The following CNTN1 variants were observed in gnomAD, a reference collection of about 807,000 sequenced individuals.
CNTN1 encodes the protein contactin 1.
Under a neutral mutation model 126.4 loss-of-function variants are expected in CNTN1, and 38 were observed. The observed-to-expected ratio is 0.30, with a 90% CI of 0.23 to 0.39. The LOEUF (loss-of-function observed/expected upper bound fraction) is 0.39, where lower values mean the gene tolerates loss of function less well. CNTN1 is among the 10% of genes least tolerant of loss of function. The pLI, the probability that CNTN1 is intolerant of heterozygous loss-of-function variation, is 1.00. For synonymous variants in CNTN1, 413 were observed against 422.6 expected, an observed-to-expected ratio of 0.98 and a Z score of 0.28; for missense variants, 1,009 against 1,248.4, an observed-to-expected ratio of 0.81 and a Z score of 2.89.
At position 40,933,524 on chromosome 12, in the gene CNTN1, G is replaced by A; in HGVS notation, c.767G>A (p.Gly256Asp). Reference sequence around the variant, plus strand: ...TTCAAGGATGTATATGCATTGATGGGCCAAAATGTGACCTTAGAATGTTTT... The same window carrying A: ...TTCAAGGATGTATATGCATTGATGGACCAAAATGTGACCTTAGAATGTTTT... ...VQFKDVYALMGQNVTLECFAL... is the reference protein window; with the variant it reads ...VQFKDVYALMDQNVTLECFAL... The change falls in exon 8 of 24, where the codon GGC (glycine) becomes GAC (aspartate). Residue 256 changes from glycine to aspartate, a missense_variant. Coordinates refer to ENST00000551295, the MANE Select transcript of CNTN1 (RefSeq NM_001843.4). The A allele has an allele frequency of 6.2e-7, 1 of 1,611,638 alleles. No individual in the cohort carries two copies. Among genetic ancestry groups the A allele is most frequent in the South Asian group, 1.1e-5 (1 of 91,030 alleles).
chr12:40,951,296 G>A (rs1219378005), intron 14 of CNTN1, among the ~76,000 whole-genome samples: 4 of 151,946 alleles, frequency 2.6e-5, no homozygotes, highest in Non-Finnish European at 4.4e-5. Context: ...TTTTCAACAC[G>A]TCTACTCTTA....
At position 40,947,782 on chromosome 12, in the gene CNTN1, T is replaced by TATAC. The variant is rs869205213; in HGVS notation, c.1683+3613_1683+3614insTACA. 6.6e-3 allele frequency among the ~76,000 whole-genome samples: 784 copies of TATAC among 118,826 alleles called. 7 individuals carry two copies. The highest frequency in any genetic ancestry group is 0.019 in the East Asian group (83 of 4,304). 78.0% of individuals were successfully genotyped at this position (118,826 alleles called of 152,430 possible). A position where few individuals can be genotyped will look rare whatever the true frequency, so the allele number is the denominator to read the frequency against. ...ACTATTTCATATATATATATATATA[T>TATAC]ACACACACACACACACACACACACA... On this transcript the variant is annotated intron_variant, in intron 14 of 23. Coordinates refer to ENST00000551295, the MANE Select transcript of CNTN1 (RefSeq NM_001843.4).
chr12:40,905,689 T>G (rs1944783353), intron 1 of CNTN1, among the ~76,000 whole-genome samples: 1 of 152,116 alleles, frequency 6.6e-6, no homozygotes, highest in Non-Finnish European at 1.5e-5. Context: ...ATTGCTTGAT[T>G]GGCATTAAAG....
At chr12:41,064,749 A>G (rs1299115199) in intron 23 of CNTN1, among the ~76,000 whole-genome samples, 1 of 147,712 alleles carries the variant, frequency 6.8e-6, no homozygotes, top group Non-Finnish European at 1.5e-5. Flanking sequence ...TTACTTCTGA[A>G]GAAAGGTTAT....
chr12:40,953,521 T>C (rs1946761367), intron 14 of CNTN1, among the ~76,000 whole-genome samples: 1 of 152,170 alleles, frequency 6.6e-6, no homozygotes, highest in African/African-American at 2.4e-5. Context: ...TATTTTTTCT[T>C]CTTTCCTTCT....
chr12:40,829,272 T>C (rs1356747050), intron 1 of CNTN1, among the ~76,000 whole-genome samples: 5 of 152,068 alleles, frequency 3.3e-5, no homozygotes, highest in Non-Finnish European at 5.9e-5. Context: ...CTAGTGAATA[T>C]ATATACTAGT....
At chr12:41,031,517 C>T (rs1949145094) in intron 23 of CNTN1, among the ~76,000 whole-genome samples, 1 of 152,098 alleles carries the variant, frequency 6.6e-6, no homozygotes, top group African/African-American at 2.4e-5. Flanking sequence ...TTAATAATTA[C>T]ATTTTTAACA....
At chr12:40,996,706 A>G (rs1948227099) in intron 17 of CNTN1, among the ~76,000 whole-genome samples, 1 of 152,212 alleles carries the variant, frequency 6.6e-6, no homozygotes, top group Admixed American at 6.5e-5. Context: ...TGTAATTTTC[A>G]ATAATCTTTT....
chr12:40,959,802 G>A (rs751921468), intron 15 of CNTN1, among the ~76,000 whole-genome samples: 50 of 152,054 alleles, frequency 3.3e-4, no homozygotes, highest in Non-Finnish European at 1.5e-4. Flanking sequence ...TGCCATAGCA[G>A]TGAGGCTGGC....
intron 16 of CNTN1, among the ~76,000 whole-genome samples, chr12:40,991,723 G>A (rs950947681): frequency 6.6e-6 from 1 of 152,186 alleles, no homozygotes; most frequent in South Asian, 2.1e-4. Flanking sequence ...AGCTACTCGG[G>A]AGGCTGAGGC....
rs1319886789 is a variant in CNTN1 at position 41,025,177 on chromosome 12, G to C, written c.2551G>C (p.Glu851Gln). Residue 851 changes from glutamate to glutamine, a missense_variant, in exon 21 of 24, where the codon GAA becomes CAA. Physicochemically the swap from Glu to Gln is conservative, Grantham distance 29. Transcript: ENST00000551295. Reference protein sequence around the residue: ...QIRYWAAHDKEEAANRVQVTS... With the variant: ...QIRYWAAHDKQEAANRVQVTS... ...TCGGTATTGGGCTGCCCATGACAAAGAAGAAGCTGCAAACAGAGTTCAAGT... is the reference window on the plus strand; with the variant it reads ...TCGGTATTGGGCTGCCCATGACAAACAAGAAGCTGCAAACAGAGTTCAAGT... 1 of 1,613,916 alleles carries C rather than the reference G, an allele frequency of 6.2e-7. No homozygotes were observed.
At chr12:40,715,122 G>A (rs1414202537) in intron 1 of CNTN1, among the ~76,000 whole-genome samples, 1 of 152,142 alleles carries the variant, frequency 6.6e-6, no homozygotes, top group Non-Finnish European at 1.5e-5. Context: ...AAGCATAAAT[G>A]TACATTGAAT....
intron 1 of CNTN1, among the ~76,000 whole-genome samples, chr12:40,701,545 C>G (rs1313819416): frequency 6.6e-6 from 1 of 151,996 alleles, no homozygotes; most frequent in African/African-American, 2.4e-5. Flanking sequence ...AAGCTGTTTA[C>G]TGTAATAGAA....
At chr12:40,995,311 G>A (rs1948185553) in intron 17 of CNTN1, among the ~76,000 whole-genome samples, 1 of 152,022 alleles carries the variant, frequency 6.6e-6, no homozygotes, top group Non-Finnish European at 1.5e-5. Context: ...CATTTTAATG[G>A]AACTCTGCCA....
At chr12:41,025,442 T>C (rs2120823488) in intron 21 of CNTN1, 106 bp downstream of exon 21, 1 of 1,069,430 alleles carries the variant, frequency 9.4e-7, no homozygotes, top group Non-Finnish European at 1.4e-6. Context: ...CTGAGCACAT[T>C]TTTCAATATC....
At chr12:40,845,718 G>A (rs1942475203) in intron 1 of CNTN1, among the ~76,000 whole-genome samples, 1 of 152,140 alleles carries the variant, frequency 6.6e-6, no homozygotes, top group African/African-American at 2.4e-5. Flanking sequence ...GAGATTCAGG[G>A]AGCATCCCAC....
intron 17 of CNTN1, among the ~76,000 whole-genome samples, chr12:41,003,587 T>G (rs1948418631): frequency 6.6e-6 from 1 of 151,996 alleles, no homozygotes; most frequent in Non-Finnish European, 1.5e-5. Flanking sequence ...GGCTTTTTTT[T>G]TTTTGGTTAG....
rs750008407 is a variant in CNTN1 at position 40,896,418 on chromosome 12, A to G, written c.-76-11939A>G. Among the ~76,000 whole-genome samples, 39 of 152,130 alleles carry G rather than the reference A, an allele frequency of 2.6e-4. 1 individual carries two copies. The highest frequency in any genetic ancestry group is 3.4e-4 in the Non-Finnish European group (23 of 68,034). On this transcript the variant is annotated intron_variant, in intron 1 of 23. Transcript: ENST00000551295. ...TGTATTATATTACTATTCCCATTGT[A>G]CAAACACTGAAATGACTTGCCTAAA...
At chr12:40,758,557 A>G (rs1938702996) in intron 1 of CNTN1, among the ~76,000 whole-genome samples, 1 of 152,080 alleles carries the variant, frequency 6.6e-6, no homozygotes, top group Non-Finnish European at 1.5e-5. Flanking sequence ...ACATTGTAAT[A>G]TTTTGCATCC....
Sources: gnomAD v4.1 joint callset for allele counts (sites outside exome capture counted in the v4.1 genomes callset) on GRCh38, gnomAD v4.1.1 for gene constraint, MANE v1.5 for transcripts, NCBI Gene and HGNC (gene_info 2026-07-23, HGNC 2026-07-21) for gene names.